Variants in DENND4B observed in about 807,000 individuals in gnomAD.
DENND4B encodes the protein DENN domain containing 4B, also known as DENN domain-containing protein 4B.
In DENND4B, 67 loss-of-function variants were observed where a neutral mutation model predicts 161.0. That is an observed-to-expected ratio of 0.42 (90% confidence interval 0.34 to 0.51). The LOEUF (loss-of-function observed/expected upper bound fraction) is 0.51. DENND4B is among the 20% of genes least tolerant of loss of function. The probability of loss-of-function intolerance (pLI) is 0.08; values close to 1 mark genes in which losing one functional copy is unlikely to be tolerated. For missense variants in DENND4B, 1,481 were observed against 1,968.0 expected, an observed-to-expected ratio of 0.75 and a Z score of 4.68; for synonymous variants, 753 against 813.8, an observed-to-expected ratio of 0.93 and a Z score of 1.27.
At position 153,934,206 on chromosome 1, in the gene DENND4B, C is replaced by A; in HGVS notation, c.2870G>T (p.Arg957Leu). The A allele has an allele frequency of 1.2e-6, 2 of 1,606,258 alleles. No homozygotes were observed. Among genetic ancestry groups the A allele is most frequent in the Non-Finnish European group, 1.7e-6 (2 of 1,177,100 alleles). The change falls in exon 19 of 28, where the codon CGC (arginine) becomes CTC (leucine). Residue 957 changes from arginine to leucine, a missense_variant. By Grantham distance (102) the Arg-to-Leu change is moderately radical (BLOSUM62 -2). Transcript: ENST00000361217. The surrounding 1 kb of genome is among the most constrained non-coding windows in gnomAD (Gnocchi z 5.3). ...GCCCAGGCTACCACTCTTCACCAGG[C>A]GTCCAGGGGGTGAGGCTGGGTCTCT... The part of the protein sequence containing the change: ...SLRDPASPPG[R>L]LVKSGSLGSA...
At position 153,936,810 on chromosome 1, in the gene DENND4B, T is replaced by C. The variant is rs1262699812; in HGVS notation, c.2233-62A>G. 8 of 1,309,510 alleles carry C rather than the reference T, an allele frequency of 6.1e-6. No homozygotes were observed. The highest frequency in any genetic ancestry group is 5.1e-5 in the South Asian group (3 of 58,708). The allele number at this position is 1,309,510 out of a possible 1,614,324, so 81.1% of individuals were successfully genotyped here. ...TGCCAGGTCTTTCTTACTTATCTAT[T>C]TATTTATTTATTTATGACGGTCTCG... is the stretch of plus-strand genomic sequence containing the variant. On this transcript the variant is annotated intron_variant, in intron 15 of 27. Coordinates refer to ENST00000361217, the MANE Select transcript of DENND4B (RefSeq NM_014856.3). This position sits in a 1 kb window ranked among gnomAD's most constrained non-coding sequence, Gnocchi z 4.1.
Position 153,935,804 on chromosome 1 carries a change from C to A in DENND4B, c.2568+256G>T, listed in dbSNP as rs1679298337. The A allele has an allele frequency of 4.1e-5, 17 of 416,772 alleles. No homozygotes were observed. In the South Asian group the frequency reaches 4.2e-4, roughly 10 times the overall value. The allele number at this position is 416,772 out of a possible 1,614,324, so 25.8% of individuals were successfully genotyped here. A position where few individuals can be genotyped will look rare whatever the true frequency, so the allele number is the denominator to read the frequency against. ...ATAAAATGATGTAAAATGTGTGATG[C>A]GTATGGACCCGTGCCTGGCTTAGCG... On this transcript the variant is annotated intron_variant, in intron 17 of 27. Coordinates refer to ENST00000361217, the MANE Select transcript of DENND4B (RefSeq NM_014856.3).
At position 153,933,720 on chromosome 1, in the gene DENND4B, C is replaced by A. The variant is rs769527054; in HGVS notation, c.3093G>T (p.Glu1031Asp). The A allele has an allele frequency of 6.3e-7, 1 of 1,591,192 alleles. No homozygotes were observed. Among genetic ancestry groups the A allele is most frequent in the East Asian group, 2.3e-5 (1 of 43,618 alleles). Reference protein sequence around the residue: ...SGSALSAQSTEALEGLSGRGP... With the variant: ...SGSALSAQSTDALEGLSGRGP... The stretch of plus-strand genomic sequence containing the variant: ...CCCGCCCACTTAGCCCTTCCAGGGC[C>A]TCAGTGGACTGGGCACTCAGGGCTG... The change falls in exon 20 of 28, where the codon GAG becomes GAT. Residue 1031 changes from glutamate to aspartate, a missense_variant. Transcript: ENST00000361217. This position sits in a 1 kb window ranked among gnomAD's most constrained non-coding sequence, Gnocchi z 5.7.
At chr1:153,931,520 CAG>C (rs1200545668) in intron 24 of DENND4B, among the ~76,000 whole-genome samples, 7 of 140,360 alleles carry the variant, frequency 5.0e-5, no homozygotes, top group South Asian at 2.3e-4. Context: ...TTTTTTGAGA[CAG>C]AGTCTCGCTC....
At chr1:153,935,408 G>T (rs1679275974) in intron 17 of DENND4B, among the ~76,000 whole-genome samples, 1 of 152,122 alleles carries the variant, frequency 6.6e-6, no homozygotes, top group Admixed American at 6.5e-5. Flanking sequence ...GCGCAGTGGC[G>T]CAATCTTGGC....
rs1470868995 is a variant in DENND4B, at chr1:153,942,415, G to A, written c.641-59C>T. On this transcript the variant is annotated intron_variant, in intron 4 of 27. Transcript: ENST00000361217. The surrounding 1 kb of genome is among the most constrained non-coding windows in gnomAD (Gnocchi z 6.9). ...GGAGCAGGGTCCATCAGACTCCAAG[G>A]GAAATGAACCAAGGGATCCCAGAGA... The A allele has an allele frequency of 2.5e-6, 4 of 1,588,966 alleles. No homozygotes were observed. Among genetic ancestry groups the A allele is most frequent in the African/African-American group, 2.7e-5 (2 of 74,198 alleles).
chr1:153,932,597 A>T lies in DENND4B; in HGVS notation c.3759+45T>A. The T allele has an allele frequency of 6.3e-7, 1 of 1,590,218 alleles. No individual in the cohort carries two copies. Among genetic ancestry groups the T allele is most frequent in the East Asian group, 2.2e-5 (1 of 44,514 alleles). ...CCCTGGCACCCCACAGGCCCCACAC[A>T]GGGCAACATTCCCGTTCCTCATGCC... On this transcript the variant is annotated intron_variant, in intron 23 of 27. Coordinates refer to ENST00000361217, the MANE Select transcript of DENND4B (RefSeq NM_014856.3). The surrounding 1 kb of genome is among the most constrained non-coding windows in gnomAD (Gnocchi z 5.8).
rs1379964053 is a variant in DENND4B, at chr1:153,942,036, G to A, written c.888C>T (p.Gly296=). 4 of 1,611,516 alleles carry A rather than the reference G, an allele frequency of 2.5e-6. No individual in the cohort carries two copies. Among genetic ancestry groups the A allele is most frequent in the Non-Finnish European group, 3.4e-6 (4 of 1,178,938 alleles). Residue 296 remains glycine, a synonymous_variant, in exon 6 of 28, where the codon GGC becomes GGT. Coordinates refer to ENST00000361217, the MANE Select transcript of DENND4B (RefSeq NM_014856.3). This position sits in a 1 kb window ranked among gnomAD's most constrained non-coding sequence, Gnocchi z 6.9. ...GACCCCGCTCCACGGCGCTCAGCAGGCCCAGTGCCCGTGCCTGTCGCTCTG... is the reference window on the plus strand; with the variant it reads ...GACCCCGCTCCACGGCGCTCAGCAGACCCAGTGCCCGTGCCTGTCGCTCTG... ...RLSERQARAL[G]LLSAVERGRA...
At position 153,933,186 on chromosome 1, in the gene DENND4B, G is replaced by T; in HGVS notation, c.3453+11C>A. Reference sequence around the variant, plus strand: ...GTTCAAGCACATCTGTGTGGGAGGGGTTATCCTCACTTCCAGGGAAGGTGA... The same window carrying T: ...GTTCAAGCACATCTGTGTGGGAGGGTTTATCCTCACTTCCAGGGAAGGTGA... On this transcript the variant is annotated intron_variant, in intron 21 of 27. Coordinates refer to ENST00000361217, the MANE Select transcript of DENND4B (RefSeq NM_014856.3). This position sits in a 1 kb window ranked among gnomAD's most constrained non-coding sequence, Gnocchi z 5.7. 1.9e-6 allele frequency: 3 copies of T among 1,612,874 alleles called. No individual in the cohort carries two copies. Among genetic ancestry groups the T allele is most frequent in the Non-Finnish European group, 2.5e-6 (3 of 1,179,450 alleles).
At position 153,936,433 on chromosome 1, in the gene DENND4B, C is replaced by A; in HGVS notation, c.2439+109G>T. 7.8e-7 allele frequency: 1 copy of A among 1,281,864 alleles called. No homozygotes were observed. The highest frequency in any genetic ancestry group is 1.1e-6 in the Non-Finnish European group (1 of 939,714). 79.4% of individuals were successfully genotyped at this position (1,281,864 alleles called of 1,614,324 possible). ...ATAGATAATCTGCCCAGCTCTGGGG[C>A]TCTGCAACTTCTTTCCTTAGTCTCC... On this transcript the variant is annotated intron_variant, in intron 16 of 27. Coordinates refer to ENST00000361217, the MANE Select transcript of DENND4B (RefSeq NM_014856.3). The surrounding 1 kb of genome is among the most constrained non-coding windows in gnomAD (Gnocchi z 4.1).
chr1:153,940,742 G>C lies in DENND4B; in HGVS notation c.1327-136C>G, dbSNP rs865783162. ...GAGGCTGTTGGAAGTAGGCTCTAGA[G>C]AAGAGCTCCTGATGGAAGCTATGTG... On this transcript the variant is annotated intron_variant, in intron 9 of 27. Transcript: ENST00000361217. This position sits in a 1 kb window ranked among gnomAD's most constrained non-coding sequence, Gnocchi z 5.6. 1.3e-5 allele frequency: 19 copies of C among 1,438,118 alleles called. 1 individual carries two copies. The highest frequency in any genetic ancestry group is 4.1e-4 in the Middle Eastern group (2 of 4,846). The allele number at this position is 1,438,118 out of a possible 1,614,324, so 89.1% of individuals were successfully genotyped here. A position where few individuals can be genotyped will look rare whatever the true frequency, so the allele number is the denominator to read the frequency against.
intron 17 of DENND4B, 162 bp downstream of exon 17, chr1:153,935,898 T>C: frequency 2.4e-6 from 2 of 822,196 alleles, no homozygotes; most frequent in Non-Finnish European, 3.7e-6. Context: ...TGAGAAACTG[T>C]AGGTGCTAAG....
chr1:153,943,166 CA>C, intron 2 of DENND4B, 36 bp from the exon 3 acceptor site: 2 of 1,588,044 alleles, frequency 1.3e-6, no homozygotes, highest in Non-Finnish European at 1.7e-6. Context: ...GTTGAGAGGT[CA>C]GGGTAGAGGA....
rs1181890622 is a variant in DENND4B at position 153,940,880 on chromosome 1, TG to T, written c.1326+23del. ...GAAAGAACCATGGTTCTGGGGAAGA[TG>T]GGCCAGGCGGGGCGGCACTCACCGA... On this transcript the variant is annotated intron_variant, in intron 9 of 27. Transcript: ENST00000361217. This position sits in a 1 kb window ranked among gnomAD's most constrained non-coding sequence, Gnocchi z 5.6. The T allele has an allele frequency of 8.4e-6, 13 of 1,544,276 alleles. No individual in the cohort carries two copies. In the Admixed American group the frequency reaches 1.1e-4, roughly 13 times the overall value.
At chr1:153,941,793 T>G (rs1441866187) in intron 6 of DENND4B, 76 bp downstream of exon 6, 244 of 527,820 alleles carry the variant, frequency 4.6e-4, no homozygotes, top group Non-Finnish European at 6.2e-4. Flanking sequence ...CCCACCCACA[T>G]CTGAATCTCT....
Position 153,933,655 on chromosome 1 carries a change from G to A in DENND4B, c.3158C>T (p.Pro1053Leu), listed in dbSNP as rs768200588. 6 of 1,568,334 alleles carry A rather than the reference G, an allele frequency of 3.8e-6. No homozygotes were observed. Among genetic ancestry groups the A allele is most frequent in the South Asian group, 1.2e-5 (1 of 86,660 alleles). The change falls in exon 20 of 28, where the codon CCC becomes CTC. Residue 1053 changes from proline to leucine, a missense_variant. Physicochemically the swap from Pro to Leu is moderately conservative, Grantham distance 98. Around this residue, in one of 3 missense-constraint regions of DENND4B, gnomAD observed 339 missense variants for 330.3 expected, o/e 1.03. Transcript: ENST00000361217. The surrounding 1 kb of genome is among the most constrained non-coding windows in gnomAD (Gnocchi z 5.7). The stretch of plus-strand genomic sequence containing the variant: ...GAGGCGGGCACCCAGCCCTCGTCGG[G>A]GGGTGCCTGCCTCATCCTGTCGCCC... ...AGGRQDEAGT[P>L]RRGLGARLQQ...
Position 153,933,224 on chromosome 1 carries a change from A to T in DENND4B, c.3426T>A (p.Pro1142=). 1 of 1,613,186 alleles carries T rather than the reference A, an allele frequency of 6.2e-7. No homozygotes were observed. Among genetic ancestry groups the T allele is most frequent in the Non-Finnish European group, 8.5e-7 (1 of 1,179,556 alleles). The change falls in exon 21 of 28, where the codon CCT becomes CCA. Residue 1142 remains proline, a synonymous_variant. Coordinates refer to ENST00000361217, the MANE Select transcript of DENND4B (RefSeq NM_014856.3). This position sits in a 1 kb window ranked among gnomAD's most constrained non-coding sequence, Gnocchi z 5.7. ...RRSSERLSDT[P]GSFQSPSLEI... The stretch of plus-strand genomic sequence containing the variant: ...CCAGGGAAGGTGACTGGAAGGATCC[A>T]GGGGTGTCACTGAGGCGCTCTGAGG...
chr1:153,937,807 C>T lies in DENND4B; in HGVS notation c.2022G>A (p.Leu674=). 1 of 1,614,002 alleles carries T rather than the reference C, an allele frequency of 6.2e-7. No individual in the cohort carries two copies. The highest frequency in any genetic ancestry group is 1.1e-5 in the South Asian group (1 of 91,082). Residue 674 remains leucine (L), a synonymous_variant, in exon 14 of 28, where the codon CTG becomes CTA. Transcript: ENST00000361217. The surrounding 1 kb of genome is among the most constrained non-coding windows in gnomAD (Gnocchi z 4.7). ...TAAAGACAGTGAGCTCACTTCCTGACAGCTCCTCTAGCTCCACTAAGGGTG... is the reference window on the plus strand; with the variant it reads ...TAAAGACAGTGAGCTCACTTCCTGATAGCTCCTCTAGCTCCACTAAGGGTG... ...EPTPLVELEE[L]SGSELTVFIT...
At chr1:153,943,282 C>A (rs1679778556) in intron 2 of DENND4B, among the ~76,000 whole-genome samples, 152 bp from the exon 3 acceptor site, 1 of 152,258 alleles carries the variant, frequency 6.6e-6, no homozygotes, top group African/African-American at 2.4e-5. Flanking sequence ...TCTTGCTGAA[C>A]TCTGCCCTCC....
Sources: gnomAD v4.1 joint callset for allele counts (sites outside exome capture counted in the v4.1 genomes callset) on GRCh38, gnomAD v4.1.1 for gene constraint, gnomAD v4.1.1 regional missense constraint, Gnocchi (gnomAD v3.1) non-coding constraint, MANE v1.5 for transcripts, NCBI Gene and HGNC (gene_info 2026-07-23, HGNC 2026-07-21) for gene names.